Variants in BTRC observed in about 807,000 individuals in gnomAD.
BTRC encodes beta-transducin repeat containing E3 ubiquitin protein ligase, also known as F-box/WD repeat-containing protein 1A.
Under a neutral mutation model 85.5 loss-of-function variants are expected in BTRC, and 42 were observed. That is an observed-to-expected ratio of 0.49 (90% confidence interval 0.38 to 0.64). The LOEUF (loss-of-function observed/expected upper bound fraction) is 0.64, where lower values mean the gene tolerates loss of function less well. Among genes scored for constraint, BTRC ranks in the 30% least tolerant of loss-of-function variants. The pLI is 0.00. For synonymous variants in BTRC, 255 were observed against 263.3 expected (o/e 0.97, Z 0.30); for missense variants, 594 against 743.5 (o/e 0.80, Z 2.34).
intron 1 of BTRC, among the ~76,000 whole-genome samples, chr10:101,381,004 G>A (rs946986938): frequency 6.6e-6 from 1 of 152,084 alleles, no homozygotes. Flanking sequence ...AAAGGGTACG[G>A]TAAAAATACA....
chr10:101,484,399 ATATTTTCCTGAAGAAT>A (rs1183199825), intron 4 of BTRC, among the ~76,000 whole-genome samples: 1 of 152,216 alleles, frequency 6.6e-6, no homozygotes, highest in Non-Finnish European at 1.5e-5. Flanking sequence ...TTGATAGTAA[ATATTTTCCTGAAGAAT>A]TATTGCCAAC....
intron 4 of BTRC, among the ~76,000 whole-genome samples, chr10:101,505,547 G>C (rs1268445012): frequency 6.6e-6 from 1 of 151,386 alleles, no homozygotes; most frequent in Non-Finnish European, 1.5e-5. Flanking sequence ...GTGAACCTAG[G>C]AGGTGGAGCT....
chr10:101,390,611 C>T (rs1325558397), intron 1 of BTRC, among the ~76,000 whole-genome samples: 1 of 151,748 alleles, frequency 6.6e-6, no homozygotes, highest in African/African-American at 2.4e-5. Flanking sequence ...GGATTACAGG[C>T]GTGAGCCACC....
chr10:101,363,767 C>T (rs1298293717), intron 1 of BTRC, among the ~76,000 whole-genome samples: 1 of 152,150 alleles, frequency 6.6e-6, no homozygotes, highest in Admixed American at 6.5e-5. Flanking sequence ...TAGATTTTGA[C>T]AGATATCTCT....
chr10:101,542,952 C>G (rs1284853652), intron 13 of BTRC, among the ~76,000 whole-genome samples: 1 of 152,204 alleles, frequency 6.6e-6, no homozygotes, highest in African/African-American at 2.4e-5. Context: ...TGTCGGCTCA[C>G]TGCAACCTCT....
intron 2 of BTRC, among the ~76,000 whole-genome samples, chr10:101,431,888 A>G (rs1944412404): frequency 6.6e-6 from 1 of 152,200 alleles, no homozygotes; most frequent in East Asian, 1.9e-4. Flanking sequence ...GGCTTATACT[A>G]TGAGATACAA....
intron 4 of BTRC, among the ~76,000 whole-genome samples, chr10:101,486,513 G>A (rs537538855): frequency 6.6e-6 from 1 of 152,138 alleles, no homozygotes; most frequent in South Asian, 2.1e-4. Context: ...CATTACCTAG[G>A]AATCTTAGTG....
intron 3 of BTRC, among the ~76,000 whole-genome samples, chr10:101,468,035 T>A (rs1465034872): frequency 6.6e-6 from 1 of 152,198 alleles, no homozygotes; most frequent in Non-Finnish European, 1.5e-5. Context: ...ATAACTTTTT[T>A]AAGAAAACAC....
At chr10:101,377,349 A>G (rs1302540338) in intron 1 of BTRC, among the ~76,000 whole-genome samples, 1 of 152,242 alleles carries the variant, frequency 6.6e-6, no homozygotes, top group African/African-American at 2.4e-5. Context: ...TAAAGCTGCT[A>G]TAAATAAACA....
intron 4 of BTRC, among the ~76,000 whole-genome samples, chr10:101,487,691 G>A (rs1324148316): frequency 6.6e-6 from 1 of 152,180 alleles, no homozygotes; most frequent in Non-Finnish European, 1.5e-5. Context: ...GAAAAGATCA[G>A]GTGGGGTAAG....
chr10:101,404,019 TATATATATA>T (rs1417408671), intron 1 of BTRC, among the ~76,000 whole-genome samples: 1 of 27,640 alleles, frequency 3.6e-5, no homozygotes, highest in Non-Finnish European at 7.9e-5. Flanking sequence ...TATATATATA[TATATATATA>T]TATTTTTTTT....
At chr10:101,389,119 GTTTTTTTTTTTTT>G (rs1188561028) in intron 1 of BTRC, among the ~76,000 whole-genome samples, 6 of 41,556 alleles carry the variant, frequency 1.4e-4, no homozygotes, top group East Asian at 1.0e-3. Context: ...TTTTGTGTGT[GTTTTTTTTTTTTT>G]TTTTTTTTTT....
rs1295073350 is a variant in BTRC, at chr10:101,367,041, TAAA to T, written c.48+12814_48+12816del. On this transcript the variant is annotated intron_variant, in intron 1 of 14. Transcript: ENST00000370187. Reference sequence around the variant, plus strand: ...ATTTATATTTATATATTTATATATATAAATATATATATATATAAATATAAATAT... The same window carrying T: ...ATTTATATTTATATATTTATATATATTATATATATATATAAATATAAATAT... Among the ~76,000 whole-genome samples, 3 of 65,098 alleles carry T rather than the reference TAAA, an allele frequency of 4.6e-5. 1 individual carries two copies. Among genetic ancestry groups the T allele is most frequent in the African/African-American group, 1.0e-4 (2 of 20,004 alleles). The allele number at this position is 65,098 out of a possible 152,430, so 42.7% of individuals were successfully genotyped here.
intron 1 of BTRC, among the ~76,000 whole-genome samples, chr10:101,367,564 G>A (rs1436966024): frequency 1.3e-5 from 2 of 152,048 alleles, no homozygotes; most frequent in African/African-American, 4.8e-5. Flanking sequence ...ATAGAACTTT[G>A]CCAGCACTCC....
chr10:101,482,464 C>T (rs1224047984), intron 4 of BTRC, among the ~76,000 whole-genome samples: 1 of 135,212 alleles, frequency 7.4e-6, no homozygotes, highest in Non-Finnish European at 1.5e-5. Flanking sequence ...GGCATGATCT[C>T]GGCTCACTGC....
intron 1 of BTRC, among the ~76,000 whole-genome samples, chr10:101,360,056 T>TC (rs1294879766): frequency 3.3e-5 from 5 of 152,046 alleles, no homozygotes; most frequent in Non-Finnish European, 1.5e-5. Flanking sequence ...ATCTCTTTTT[T>TC]TTAAAAAAAC....
At chr10:101,502,760 A>G (rs918779238) in intron 4 of BTRC, among the ~76,000 whole-genome samples, 1 of 152,180 alleles carries the variant, frequency 6.6e-6, no homozygotes, top group East Asian at 1.9e-4. Context: ...CAGTTTATCA[A>G]ATATTTTTGA....
chr10:101,364,455 A>G (rs1942305407), intron 1 of BTRC, among the ~76,000 whole-genome samples: 2 of 152,116 alleles, frequency 1.3e-5, no homozygotes, highest in South Asian at 4.1e-4. Flanking sequence ...GTTTACATCA[A>G]GGTCATACAT....
intron 3 of BTRC, among the ~76,000 whole-genome samples, chr10:101,464,394 T>C (rs996183380): frequency 1.3e-5 from 2 of 152,180 alleles, no homozygotes; most frequent in African/African-American, 4.8e-5. Context: ...TAAAAATAAA[T>C]GCATACATTA....
Sources: gnomAD v4.1 joint callset for allele counts (sites outside exome capture counted in the v4.1 genomes callset) on GRCh38, gnomAD v4.1.1 for gene constraint, MANE v1.5 for transcripts, NCBI Gene and HGNC (gene_info 2026-07-23, HGNC 2026-07-21) for gene names.